The following ATM variants were observed in gnomAD, a reference collection of about 807,000 sequenced individuals.
The protein encoded by ATM is serine-protein kinase ATM.
Under a neutral mutation model 387.0 loss-of-function variants are expected in ATM, and 308 were observed. The ratio of observed to expected loss-of-function variants is 0.80; its 90% confidence interval spans 0.73 to 0.87. The LOEUF is 0.87. Among genes scored for constraint, ATM ranks in the 40% least tolerant of loss-of-function variants. ATM has a pLI of 0.00. For synonymous variants in ATM, 1,156 were observed against 1,187.3 expected, an observed-to-expected ratio of 0.97 and a Z score of 0.54; for missense variants, 3,312 against 3,560.9, an observed-to-expected ratio of 0.93 and a Z score of 1.78.
intron 16 of ATM, among the ~76,000 whole-genome samples, chr11:108,264,174 A>C (rs2081076740): frequency 6.6e-6 from 1 of 152,016 alleles, no homozygotes; most frequent in Admixed American, 6.5e-5. Context: ...CAGAGACACA[A>C]CCAAAAAAGA....
Position 108,243,934 on chromosome 11 carries a change from ATTTTTT to A in ATM, c.497-9_497-4del, listed in dbSNP as rs768748099. On this transcript the variant is annotated splice_polypyrimidine_tract_variant and intron_variant, in intron 5 of 62. Coordinates refer to ENST00000675843, the MANE Select transcript of ATM (RefSeq NM_000051.4). ...GATTTTTAAAAAATCATGACTAATA[ATTTTTT>A]TTTTTTTTTAAGAATTGTTCTCTGT... 1.7e-6 allele frequency: 2 copies of A among 1,200,638 alleles called. No individual in the cohort carries two copies. Among genetic ancestry groups the A allele is most frequent in the Non-Finnish European group, 2.3e-6 (2 of 874,614 alleles). 74.4% of individuals were successfully genotyped at this position (1,200,638 alleles called of 1,614,324 possible).
rs377316982 is a variant in ATM at position 108,279,560 on chromosome 11, A to G, written c.3354A>G (p.Thr1118=). The G allele has an allele frequency of 8.9e-5, 143 of 1,613,750 alleles. No homozygotes were observed. Among genetic ancestry groups the G allele is most frequent in the Non-Finnish European group, 1.2e-4 (137 of 1,179,834 alleles). ...CACTTCCTTTGAAGCTTCAGCAAAC[A>G]GCTTTTGAAAATGCATACTTGAAAG... ...LKALPLKLQQ[T]AFENAYLKAQ... The change falls in exon 23 of 63, where the codon ACA becomes ACG. Residue 1118 remains threonine, a synonymous_variant. Transcript: ENST00000675843.
chr11:108,345,121 A>G lies in ATM; in HGVS notation c.8419-622A>G, dbSNP rs556350755. Among the ~76,000 whole-genome samples the G allele has an allele frequency of 8.5e-5, 13 of 152,336 alleles. No homozygotes were observed. In the East Asian group the frequency reaches 2.5e-3, roughly 29 times the overall value. ...GCATTGAAGAATAGAAGAGGTGACTAAAGTTTGCCAGAGATGAAGTATTTG... is the reference window on the plus strand; with the variant it reads ...GCATTGAAGAATAGAAGAGGTGACTGAAGTTTGCCAGAGATGAAGTATTTG... On this transcript the variant is annotated intron_variant, in intron 57 of 62. Transcript: ENST00000675843.
At chr11:108,344,051 C>T (rs2087960738) in intron 57 of ATM, among the ~76,000 whole-genome samples, 1 of 152,142 alleles carries the variant, frequency 6.6e-6, no homozygotes, top group Admixed American at 6.5e-5. Context: ...TGCCCAAGGC[C>T]AGTGAGCTAA....
In ATM at chr11:108,354,766, A is replaced by T. The variant is rs751581707; in HGVS notation, c.8787-45A>T. On this transcript the variant is annotated intron_variant, in intron 60 of 62. Coordinates refer to ENST00000675843, the MANE Select transcript of ATM (RefSeq NM_000051.4). ...ATACAGATAAAGATACGTTGACAAC[A>T]TTGGTGTGTAACAAAATCCGTATTT... is the stretch of plus-strand genomic sequence containing the variant. 2.7e-6 allele frequency: 4 copies of T among 1,499,414 alleles called. No individual in the cohort carries two copies. In the Admixed American group the frequency reaches 6.7e-5, roughly 25 times the overall value. 92.9% of individuals were successfully genotyped at this position (1,499,414 alleles called of 1,614,324 possible). A position where few individuals can be genotyped will look rare whatever the true frequency, so the allele number is the denominator to read the frequency against.
intron 61 of ATM, among the ~76,000 whole-genome samples, chr11:108,362,879 G>A (rs1481451414): frequency 6.6e-6 from 1 of 151,620 alleles, no homozygotes; most frequent in Non-Finnish European, 1.5e-5. Flanking sequence ...CAGCGCACCA[G>A]CATGGCATAT....
chr11:108,266,404 A>G (rs1266160703), intron 16 of ATM, among the ~76,000 whole-genome samples: 3 of 149,580 alleles, frequency 2.0e-5, no homozygotes, highest in Non-Finnish European at 4.4e-5. Context: ...CAAACACCGC[A>G]TGTTCTCACT....
chr11:108,261,590 A>G (rs1443837735), intron 16 of ATM, among the ~76,000 whole-genome samples: 5 of 152,186 alleles, frequency 3.3e-5, no homozygotes, highest in Non-Finnish European at 7.4e-5. Context: ...CCTCCACCAA[A>G]GGAACGCAGT....
Position 108,362,978 on chromosome 11 carries a change from A to AAAAC in ATM, c.8851-2092_8851-2089dup, listed in dbSNP as rs202064235. Among the ~76,000 whole-genome samples the AAAAC allele has an allele frequency of 7.2e-5, 11 of 152,166 alleles. No homozygotes were observed. In the South Asian group the frequency reaches 2.1e-3, roughly 29 times the overall value. On this transcript the variant is annotated intron_variant, in intron 61 of 62. Transcript: ENST00000675843. The stretch of plus-strand genomic sequence containing the variant: ...AAAAAAAACTAAAAAAACAAACAAC[A>AAAAC]AAACAAACAAACAAAAAAAACACAC...
chr11:108,230,855 C>G (rs1046749552), intron 4 of ATM: 6 of 152,196 alleles, frequency 3.9e-5, no homozygotes, highest in Non-Finnish European at 8.8e-5. Context: ...GCATGGGCCA[C>G]CATGTCTGGC....
rs1019666913 is a variant in ATM, at chr11:108,358,250, G to T, written c.8850+3376G>T. ...CGAGAAGGGAAGTTCAGAGAAAAAA[G>T]AATAAAAAGAAATGAGCAAAGCCTC... On this transcript the variant is annotated intron_variant, in intron 61 of 62. Transcript: ENST00000675843. 2.1e-4 allele frequency among the ~76,000 whole-genome samples: 32 copies of T among 150,398 alleles called. 2 individuals carry two copies. In the East Asian group the frequency reaches 5.3e-3, roughly 25 times the overall value.
At chr11:108,248,597 A>C (rs1412020523) in intron 8 of ATM, among the ~76,000 whole-genome samples, 1 of 152,160 alleles carries the variant, frequency 6.6e-6, no homozygotes, top group Non-Finnish European at 1.5e-5. Flanking sequence ...GCAATGAAAA[A>C]AGTGTATTTG....
intron 22 of ATM, among the ~76,000 whole-genome samples, chr11:108,274,899 T>C (rs2081852184): frequency 6.6e-6 from 1 of 152,060 alleles, no homozygotes; most frequent in Admixed American, 6.6e-5. Flanking sequence ...TGGTCCAGAG[T>C]TCGGTTCAAG....
chr11:108,337,961 T>TTGAAAGCAGAAATTAC (rs1333396704), intron 56 of ATM, among the ~76,000 whole-genome samples: 1 of 152,244 alleles, frequency 6.6e-6, no homozygotes, highest in Non-Finnish European at 1.5e-5. Flanking sequence ...CTAGAATATC[T>TTGAAAGCAGAAATTAC]TGAAAGCAGA....
chr11:108,324,469 T>A (rs1414042076), intron 45 of ATM, among the ~76,000 whole-genome samples: 1 of 152,184 alleles, frequency 6.6e-6, no homozygotes, highest in Non-Finnish European at 1.5e-5. Flanking sequence ...GTAGATATGG[T>A]CCAACGATCG....
chr11:108,273,328 A>ATTTTTTTTTTTT (rs2081718897), intron 22 of ATM, among the ~76,000 whole-genome samples: 7 of 106,400 alleles, frequency 6.6e-5, no homozygotes, highest in African/African-American at 3.0e-4. Context: ...TATTAATTTC[A>ATTTTTTTTTTTT]TTCTTTTTTT....
chr11:108,334,573 A>C (rs1217974410), intron 54 of ATM, among the ~76,000 whole-genome samples: 1 of 152,164 alleles, frequency 6.6e-6, no homozygotes, highest in African/African-American at 2.4e-5. Flanking sequence ...CTTAGTATCT[A>C]GTTACTTGAT....
At chr11:108,337,817 A>C (rs934208936) in intron 56 of ATM, among the ~76,000 whole-genome samples, 8 of 152,248 alleles carry the variant, frequency 5.3e-5, no homozygotes, top group African/African-American at 1.9e-4. Flanking sequence ...TAATAGGTGA[A>C]GAATTGGGTT....
chr11:108,341,151 G>T (rs2087515077), intron 56 of ATM, among the ~76,000 whole-genome samples: 1 of 151,810 alleles, frequency 6.6e-6, no homozygotes, highest in African/African-American at 2.4e-5. Context: ...GTATAGATGA[G>T]TCATCTCCAC....
Sources: allele counts gnomAD v4.1 joint callset (sites outside exome capture counted in the v4.1 genomes callset), GRCh38; gene constraint gnomAD v4.1.1; transcripts MANE v1.5; gene names NCBI Gene and HGNC (gene_info 2026-07-23, HGNC 2026-07-21).